DAB1: variants seen among roughly 807,000 people sequenced by gnomAD.
DAB1 encodes disabled homolog 1.
Under a neutral mutation model 64.6 loss-of-function variants are expected in DAB1, and 15 were observed. The observed-to-expected ratio is 0.23, with a 90% CI of 0.16 to 0.36. DAB1 has a LOEUF of 0.36. DAB1 is among the 10% of genes least tolerant of loss of function. DAB1 has a pLI of 1.00. For synonymous variants in DAB1, 235 were observed against 251.9 expected, an observed-to-expected ratio of 0.93 and a Z score of 0.64; for missense variants, 596 against 706.7, an observed-to-expected ratio of 0.84 and a Z score of 1.78.
At chr1:57,144,687 C>T (rs1021180548) in intron 3 of DAB1, among the ~76,000 whole-genome samples, 3 of 149,046 alleles carry the variant, frequency 2.0e-5, no homozygotes, top group Admixed American at 6.6e-5. Flanking sequence ...GAGTGAGACT[C>T]CTTCTCAAAA....
intron 4 of DAB1, among the ~76,000 whole-genome samples, chr1:58,335,631 T>A (rs1002275219): frequency 6.6e-6 from 1 of 150,644 alleles, no homozygotes; most frequent in South Asian, 2.1e-4. Flanking sequence ...AAGCTAGCCA[T>A]GCAAGGGATT....
At chr1:57,060,782 C>G (rs1650308498) in intron 9 of DAB1, among the ~76,000 whole-genome samples, 1 of 151,214 alleles carries the variant, frequency 6.6e-6, no homozygotes, top group Non-Finnish European at 1.5e-5. Context: ...AGATTAGACA[C>G]TAGGCTGGAG....
At chr1:58,031,652 A>G (rs1406153636) in intron 5 of DAB1, among the ~76,000 whole-genome samples, 1 of 152,212 alleles carries the variant, frequency 6.6e-6, no homozygotes, top group African/African-American at 2.4e-5. Flanking sequence ...TCTCCCTCTC[A>G]GAGGAAGCTG....
intron 7 of DAB1, among the ~76,000 whole-genome samples, chr1:57,560,509 C>T (rs779673111): frequency 1.3e-5 from 2 of 152,112 alleles, no homozygotes; most frequent in Non-Finnish European, 2.9e-5. Context: ...CCATTTGGCC[C>T]CTCCTACAAC....
intron 7 of DAB1, among the ~76,000 whole-genome samples, chr1:57,452,635 T>C (rs1686430319): frequency 6.6e-6 from 1 of 152,174 alleles, no homozygotes. Context: ...CTTAGACTAA[T>C]CTCCTCTCCT....
At chr1:58,434,572 T>C (rs1644920731) in intron 3 of DAB1, among the ~76,000 whole-genome samples, 1 of 152,162 alleles carries the variant, frequency 6.6e-6, no homozygotes. Flanking sequence ...TCTATGAGTC[T>C]TGGGTTTAAG....
intron 5 of DAB1, among the ~76,000 whole-genome samples, chr1:57,974,877 C>T (rs1040864554): frequency 6.6e-6 from 1 of 151,972 alleles, no homozygotes; most frequent in African/African-American, 2.4e-5. Flanking sequence ...CCTATTATAG[C>T]AAAACTGCCA....
chr1:57,025,138 G>A (rs879861745), intron 10 of DAB1, among the ~76,000 whole-genome samples: 18 of 152,216 alleles, frequency 1.2e-4, no homozygotes, highest in African/African-American at 1.4e-4. Context: ...GTGCAGCTGC[G>A]GCTGACTGCT....
At chr1:57,961,784 C>G (rs1472205059) in intron 5 of DAB1, among the ~76,000 whole-genome samples, 1 of 151,796 alleles carries the variant, frequency 6.6e-6, no homozygotes, top group Non-Finnish European at 1.5e-5. Flanking sequence ...GCCTGACCAA[C>G]ATGGAGAAAC....
chr1:57,765,144 T>C (rs1390949495), intron 6 of DAB1, among the ~76,000 whole-genome samples: 1 of 152,138 alleles, frequency 6.6e-6, no homozygotes, highest in Admixed American at 6.5e-5. Context: ...AAAAGGACTA[T>C]GAACCATGAA....
At chr1:58,379,685 A>G (rs56695391) in intron 3 of DAB1, among the ~76,000 whole-genome samples, 1 of 152,218 alleles carries the variant, frequency 6.6e-6, no homozygotes, top group African/African-American at 2.4e-5. Context: ...TTCTTCCCCA[A>G]TGAGCTGATA....
intron 4 of DAB1, among the ~76,000 whole-genome samples, chr1:57,100,055 C>T (rs756954224): frequency 7.9e-5 from 12 of 152,136 alleles, no homozygotes; most frequent in African/African-American, 4.8e-5. Context: ...AGTGATCAAG[C>T]GGTAGATTTG....
chr1:57,348,709 G>A (rs1361915952), intron 1 of DAB1, among the ~76,000 whole-genome samples: 1 of 152,126 alleles, frequency 6.6e-6, no homozygotes, highest in Non-Finnish European at 1.5e-5. Flanking sequence ...GATGTTCTCA[G>A]TATCTAACCT....
intron 6 of DAB1, among the ~76,000 whole-genome samples, chr1:57,711,539 G>A (rs1256014484): frequency 6.6e-6 from 1 of 152,234 alleles, no homozygotes; most frequent in African/African-American, 2.4e-5. Context: ...ACGGGTGCCT[G>A]TCAAGGCTTG....
rs1012777281 is a variant in DAB1 at position 57,877,551 on chromosome 1, T to A, written n.87+6448A>T. ...TAAAAATCCTAATTGATTTATTTTT[T>A]TTTTTTTTTTTTTTTTTTTTGAGAC... On this transcript the variant is annotated intron_variant and non_coding_transcript_variant, in intron 1 of 1. Transcript: ENST00000477280. 2.2e-4 allele frequency among the ~76,000 whole-genome samples: 19 copies of A among 87,122 alleles called. 6 individuals carry two copies. The South Asian group carries it at 4.5e-3, about 21-fold the overall frequency. 57.2% of individuals were successfully genotyped at this position (87,122 alleles called of 152,430 possible).
At chr1:57,238,894 C>CA (rs1558002672) in intron 2 of DAB1, among the ~76,000 whole-genome samples, 1,527 of 149,786 alleles carry the variant, frequency 0.01, 38 homozygotes, top group African/African-American at 0.036. Context: ...CACACACACA[C>CA]CCCTAACTTG....
intron 4 of DAB1, among the ~76,000 whole-genome samples, chr1:58,212,730 C>T (rs1317374373): frequency 6.6e-6 from 1 of 152,032 alleles, no homozygotes; most frequent in African/African-American, 2.4e-5. Flanking sequence ...TCCCATCACC[C>T]CACCCCTAAT....
intron 4 of DAB1, among the ~76,000 whole-genome samples, chr1:58,266,123 AG>A (rs1661155504): frequency 6.6e-6 from 1 of 151,990 alleles, no homozygotes; most frequent in East Asian, 1.9e-4. Flanking sequence ...TGAGCTTGAC[AG>A]GGCTATGATT....
At chr1:58,448,754 T>C (rs1392325583) in intron 3 of DAB1, among the ~76,000 whole-genome samples, 1 of 152,180 alleles carries the variant, frequency 6.6e-6, no homozygotes, top group Non-Finnish European at 1.5e-5. Flanking sequence ...TCCCAGCTAC[T>C]GGAATTGAGG....
Sources: gnomAD v4.1 joint callset for allele counts (sites outside exome capture counted in the v4.1 genomes callset) on GRCh38, gnomAD v4.1.1 for gene constraint, MANE v1.5 for transcripts, NCBI Gene and HGNC (gene_info 2026-07-23, HGNC 2026-07-21) for gene names.